PIK3R3: variants seen among roughly 807,000 people sequenced by gnomAD.
The protein encoded by PIK3R3 is phosphatidylinositol 3-kinase regulatory subunit gamma.
A neutral mutation model predicts 62.9 loss-of-function variants in PIK3R3; 64 were observed. The observed-to-expected ratio is 1.02, with a 90% CI of 0.83 to 1.25. The LOEUF is 1.25. PIK3R3 is among the 50% of genes most tolerant of loss of function. The pLI is 0.00. For synonymous variants in PIK3R3, 165 were observed against 189.0 expected, an observed-to-expected ratio of 0.87 and a Z score of 1.04; for missense variants, 614 against 561.6, an observed-to-expected ratio of 1.09 and a Z score of -0.94.
In PIK3R3 at chr1:46,060,462, C is replaced by T. The variant is rs374010372; in HGVS notation, c.764+1467G>A. Among the ~76,000 whole-genome samples the T allele has an allele frequency of 3.3e-5, 5 of 152,238 alleles. No homozygotes were observed. The South Asian group carries it at 1.0e-3, about 32-fold the overall frequency. ...CCAAGATGGCACCACTGCACTCCAGCCTGGGCAACAGAGACTCCGTCTCAA... is the reference window on the plus strand; with the variant it reads ...CCAAGATGGCACCACTGCACTCCAGTCTGGGCAACAGAGACTCCGTCTCAA... On this transcript the variant is annotated intron_variant, in intron 6 of 9. Coordinates refer to ENST00000262741, the MANE Select transcript of PIK3R3 (RefSeq NM_003629.4).
At chr1:46,142,569 G>C in the PIK3R3 span, among the ~76,000 whole-genome samples, 2 of 152,110 alleles carry the variant, frequency 1.3e-5, no homozygotes, top group African/African-American at 4.8e-5. Context: ...GTGGTGGCGG[G>C]CGCCTGTAGT....
intron 1 of PIK3R3, among the ~76,000 whole-genome samples, chr1:46,090,646 T>C (rs998739574): frequency 4.6e-5 from 7 of 152,318 alleles, no homozygotes; most frequent in African/African-American, 1.4e-4. Context: ...ACACAGTCAT[T>C]ATTAAATATT....
chr1:46,118,771 G>T (rs1472078881), intron 1 of PIK3R3, among the ~76,000 whole-genome samples: 2 of 151,860 alleles, frequency 1.3e-5, no homozygotes, highest in Non-Finnish European at 2.9e-5. Context: ...GGCCAGGCTG[G>T]TCTCAAACTC....
chr1:46,091,733 A>T lies in PIK3R3; in HGVS notation c.107-10983T>A, dbSNP rs115677612. The stretch of plus-strand genomic sequence containing the variant: ...TATAATCATCCCTCAGTATCCTCAT[A>T]GGATTGCTTCCAGGACCCCTGCAGA... On this transcript the variant is annotated intron_variant, in intron 1 of 9. Coordinates refer to ENST00000262741, the MANE Select transcript of PIK3R3 (RefSeq NM_003629.4). Among the ~76,000 whole-genome samples the T allele has an allele frequency of 3.5e-3, 531 of 152,274 alleles. 2 individuals carry two copies. Among genetic ancestry groups the T allele is most frequent in the Non-Finnish European group, 5.6e-3 (381 of 68,014 alleles).
At chr1:46,050,056 G>A (rs376043029) in intron 7 of PIK3R3, among the ~76,000 whole-genome samples, 10 of 150,188 alleles carry the variant, frequency 6.7e-5, no homozygotes, top group East Asian at 5.8e-4. Context: ...GGGAGGCAGA[G>A]GTTGCAGTGA....
the PIK3R3 span, among the ~76,000 whole-genome samples, chr1:46,154,876 C>A: frequency 2.6e-5 from 4 of 152,324 alleles, 1 homozygote; most frequent in South Asian, 8.3e-4. Flanking sequence ...TCAAATTTCA[C>A]CTCCTCAAAA....
At chr1:46,148,381 T>TC in the PIK3R3 span, among the ~76,000 whole-genome samples, 3 of 152,196 alleles carry the variant, frequency 2.0e-5, no homozygotes, top group African/African-American at 7.2e-5. Context: ...CTCTGTTGTT[T>TC]CCCCAAGAGG....
At chr1:46,118,788 T>C (rs1220080670) in intron 1 of PIK3R3, among the ~76,000 whole-genome samples, 1 of 152,026 alleles carries the variant, frequency 6.6e-6, no homozygotes, top group East Asian at 1.9e-4. Flanking sequence ...ACTCCTGACC[T>C]CAGGTGATCT....
chr1:46,132,721 C>T (rs747672460), upstream of PIK3R3: 2 of 1,288,698 alleles, frequency 1.6e-6, no homozygotes, highest in Admixed American at 2.3e-5. Flanking sequence ...CACCCAACCG[C>T]GCCGGGAGGG....
At chr1:46,134,662 G>C (rs1169969828), upstream of PIK3R3, 1 of 152,148 alleles carries the variant, frequency 6.6e-6, no homozygotes, top group Non-Finnish European at 1.5e-5. Context: ...AGGGTGGGTT[G>C]GTTTATTTTT....
chr1:46,076,071 G>A (rs564146725), intron 3 of PIK3R3, among the ~76,000 whole-genome samples: 3 of 152,276 alleles, frequency 2.0e-5, no homozygotes, highest in South Asian at 4.1e-4. Flanking sequence ...ACTGAGGGGC[G>A]ATCTTCCTTA....
the PIK3R3 span, among the ~76,000 whole-genome samples, chr1:46,141,623 G>C: frequency 1.3e-5 from 2 of 152,172 alleles, no homozygotes; most frequent in African/African-American, 4.8e-5. Flanking sequence ...TTAGAATAAA[G>C]GATCATCTTT....
chr1:46,157,503 T>C, the PIK3R3 span, among the ~76,000 whole-genome samples: 3 of 152,082 alleles, frequency 2.0e-5, no homozygotes, highest in Non-Finnish European at 4.4e-5. Flanking sequence ...ATTATCAAAT[T>C]TGGGATGATT....
rs1647861063 is a variant in PIK3R3, at chr1:46,055,949, AT to A, written c.786del (p.Lys262AsnfsTer2). On this transcript the variant is annotated frameshift_variant, in exon 7 of 10. Coordinates refer to ENST00000262741, the MANE Select transcript of PIK3R3 (RefSeq NM_003629.4). LOFTEE classifies it high-confidence loss of function. The stretch of plus-strand genomic sequence containing the variant: ...TGAATCTCACCCAGACGTGATTTCA[AT>A]TTATCATAATTCATCATAATTCTGT... ...EIERIMMNYD[K>X]LKSRLGEIHD... is the part of the protein sequence containing the mutation. The A allele has an allele frequency of 6.3e-7, 1 of 1,591,478 alleles. No individual in the cohort carries two copies. Among genetic ancestry groups the A allele is most frequent in the African/African-American group, 1.4e-5 (1 of 73,230 alleles).
intron 6 of PIK3R3, among the ~76,000 whole-genome samples, chr1:46,058,078 C>T (rs1321924720): frequency 1.3e-5 from 2 of 152,190 alleles, no homozygotes; most frequent in Admixed American, 6.5e-5. Flanking sequence ...TGGTGCCCTG[C>T]GTCCTAGCCA....
At chr1:46,129,852 G>A (rs1177004379) in intron 1 of PIK3R3, among the ~76,000 whole-genome samples, 2 of 152,058 alleles carry the variant, frequency 1.3e-5, no homozygotes, top group East Asian at 3.8e-4. Context: ...TACAAAAGGG[G>A]TAATAAAGAA....
intron 3 of PIK3R3, among the ~76,000 whole-genome samples, chr1:46,076,683 T>A (rs2149408819): frequency 6.6e-6 from 1 of 152,342 alleles, no homozygotes; most frequent in African/African-American, 2.4e-5. Flanking sequence ...AACAGCCAGA[T>A]GAATCTGGAT....
intron 1 of PIK3R3, among the ~76,000 whole-genome samples, chr1:46,119,746 G>A (rs11587648): frequency 0.21 from 31,910 of 150,870 alleles, 3,771 homozygotes; most frequent in Non-Finnish European, 0.26. Flanking sequence ...TGAGACTACA[G>A]GTATGTGCCA....
At chr1:46,120,280 T>C (rs1471176602) in intron 1 of PIK3R3, among the ~76,000 whole-genome samples, 1 of 152,100 alleles carries the variant, frequency 6.6e-6, no homozygotes. Context: ...AAGTCCAACT[T>C]AGAAAATGAA....
Sources: allele counts gnomAD v4.1 joint callset (sites outside exome capture counted in the v4.1 genomes callset), GRCh38; gene constraint gnomAD v4.1.1; transcripts MANE v1.5; gene names NCBI Gene and HGNC (gene_info 2026-07-23, HGNC 2026-07-21).